CNTLN: variants seen among roughly 807,000 people sequenced by gnomAD.
CNTLN encodes centlein, also known as centlein, centrosomal protein.
Under a neutral mutation model 180.0 loss-of-function variants are expected in CNTLN, and 212 were observed. The ratio of observed to expected loss-of-function variants is 1.18; its 90% CI spans 1.05 to 1.32. The LOEUF (loss-of-function observed/expected upper bound fraction) is 1.32. CNTLN is among the 40% of genes most tolerant of loss of function. The pLI, the probability that CNTLN is intolerant of heterozygous loss-of-function variation, is 0.00. For missense variants in CNTLN, 2,095 were observed against 1,610.9 expected, an observed-to-expected ratio of 1.30 and a Z score of -5.14; for synonymous variants, 722 against 563.1, an observed-to-expected ratio of 1.28 and a Z score of -3.99.
At position 17,152,916 on chromosome 9, in the gene CNTLN, CTTCT is replaced by C. The variant is rs766112925; in HGVS notation, c.449+9543_449+9546del. Among the ~76,000 whole-genome samples the C allele has an allele frequency of 7.2e-5, 11 of 152,262 alleles. No homozygotes were observed. The South Asian group carries it at 1.9e-3, about 26-fold the overall frequency. ...GATCCCTTTACCATCATGTAATACC[CTTCT>C]TTGTCTCTTTTGATCTTTGTTGGTT... On this transcript the variant is annotated intron_variant, in intron 2 of 25. Transcript: ENST00000380647.
intron 2 of CNTLN, among the ~76,000 whole-genome samples, chr9:17,194,321 C>G (rs1167836799): frequency 6.6e-6 from 1 of 152,172 alleles, no homozygotes; most frequent in African/African-American, 2.4e-5. Context: ...AACTTTTATT[C>G]TCTGCTTCCC....
chr9:17,227,509 C>T (rs192484645), intron 3 of CNTLN, among the ~76,000 whole-genome samples: 38 of 151,994 alleles, frequency 2.5e-4, no homozygotes, highest in East Asian at 3.9e-4. Context: ...AAGCTCATTA[C>T]GGAGTAAATA....
chr9:17,367,777 A>T (rs533332384), intron 13 of CNTLN, among the ~76,000 whole-genome samples: 2 of 152,190 alleles, frequency 1.3e-5, no homozygotes, highest in African/African-American at 4.8e-5. Context: ...GAAGGCAAGG[A>T]TGCAGTCCCG....
intron 13 of CNTLN, among the ~76,000 whole-genome samples, chr9:17,373,364 A>G (rs979985795): frequency 3.9e-5 from 6 of 152,160 alleles, no homozygotes; most frequent in Non-Finnish European, 7.4e-5. Flanking sequence ...CAAGAAAGCT[A>G]ATTCCATTTA....
At chr9:17,247,941 C>G (rs867632513) in intron 5 of CNTLN, among the ~76,000 whole-genome samples, 1 of 151,798 alleles carries the variant, frequency 6.6e-6, no homozygotes, top group Non-Finnish European at 1.5e-5. Context: ...AACAATCCTC[C>G]AACCTCAACC....
chr9:17,156,881 A>G (rs1246019474), intron 2 of CNTLN, among the ~76,000 whole-genome samples: 1 of 152,254 alleles, frequency 6.6e-6, no homozygotes, highest in East Asian at 1.9e-4. Context: ...TAGCCTATGG[A>G]CTTAATCCTT....
At chr9:17,211,535 CG>C (rs1299132207) in intron 2 of CNTLN, among the ~76,000 whole-genome samples, 2 of 152,082 alleles carry the variant, frequency 1.3e-5, no homozygotes, top group African/African-American at 4.8e-5. Flanking sequence ...CTTGGCAATG[CG>C]GGCTCTTTTT....
chr9:17,203,165 T>G (rs772419894), intron 2 of CNTLN, among the ~76,000 whole-genome samples: 6 of 152,198 alleles, frequency 3.9e-5, no homozygotes, highest in Non-Finnish European at 8.8e-5. Context: ...ATATTGGTCT[T>G]CACTCTGTTC....
At chr9:17,446,407 C>G (rs1051366369) in intron 18 of CNTLN, among the ~76,000 whole-genome samples, 1 of 152,140 alleles carries the variant, frequency 6.6e-6, no homozygotes, top group African/African-American at 2.4e-5. Flanking sequence ...AAACATATGT[C>G]TTTCGCTAGC....
intron 2 of CNTLN, among the ~76,000 whole-genome samples, chr9:17,219,055 G>A (rs1419256145): frequency 7.9e-5 from 12 of 152,038 alleles, no homozygotes; most frequent in Admixed American, 7.9e-4. Context: ...AAGTACTCTT[G>A]GGAAAAATGA....
chr9:17,144,840 T>A (rs916170574), intron 2 of CNTLN, among the ~76,000 whole-genome samples: 11 of 148,416 alleles, frequency 7.4e-5, no homozygotes, highest in Non-Finnish European at 1.5e-4. Context: ...TTTTTTATTT[T>A]ATTTTTTTTT....
chr9:17,164,231 G>A (rs1241467214), intron 2 of CNTLN, among the ~76,000 whole-genome samples: 1 of 147,674 alleles, frequency 6.8e-6, no homozygotes, highest in Non-Finnish European at 1.5e-5. Flanking sequence ...AGAATCACTT[G>A]AACCCGAAAG....
intron 10 of CNTLN, among the ~76,000 whole-genome samples, chr9:17,333,837 G>C (rs1209471199): frequency 2.0e-5 from 3 of 152,126 alleles, no homozygotes; most frequent in Non-Finnish European, 2.9e-5. Context: ...TTATTCATTT[G>C]TTTCCTCAAT....
chr9:17,255,639 G>C (rs1269565129), intron 5 of CNTLN, among the ~76,000 whole-genome samples: 1 of 151,722 alleles, frequency 6.6e-6, no homozygotes, highest in Non-Finnish European at 1.5e-5. Flanking sequence ...TTCTAGTGTT[G>C]TTTTCTAGCG....
chr9:17,374,213 CAT>C (rs2133518966), intron 13 of CNTLN, among the ~76,000 whole-genome samples: 1 of 152,096 alleles, frequency 6.6e-6, no homozygotes, highest in East Asian at 1.9e-4. Flanking sequence ...GCAAACTACC[CAT>C]CTAACAGGGG....
At chr9:17,182,955 C>A (rs536987293) in intron 2 of CNTLN, among the ~76,000 whole-genome samples, 1 of 152,242 alleles carries the variant, frequency 6.6e-6, no homozygotes, top group African/African-American at 2.4e-5. Context: ...CAGTTACTCA[C>A]GAAAACAAGT....
chr9:17,393,129 T>C (rs1826236609), intron 14 of CNTLN, among the ~76,000 whole-genome samples: 1 of 152,144 alleles, frequency 6.6e-6, no homozygotes, highest in Non-Finnish European at 1.5e-5. Context: ...GCCTTCTTGC[T>C]GTGTCCTCAC....
chr9:17,250,287 T>C (rs1826059742), intron 5 of CNTLN, among the ~76,000 whole-genome samples: 1 of 152,070 alleles, frequency 6.6e-6, no homozygotes, highest in Admixed American at 6.6e-5. Context: ...AGATAACATA[T>C]TGTTGTAGAA....
chr9:17,342,377 G>A lies in CNTLN; in HGVS notation c.1819G>A (p.Asp607Asn). ...AGATCCCCAACAACTTCGACAAGAAGATTCTGACGCTGTGTGGAATGAACT... is the reference window on the plus strand; with the variant it reads ...AGATCCCCAACAACTTCGACAAGAAAATTCTGACGCTGTGTGGAATGAACT... ...RADPQQLRQEDSDAVWNELAY... is the reference protein window; with the variant it reads ...RADPQQLRQENSDAVWNELAY... The change falls in exon 12 of 26, where the codon GAT becomes AAT. Residue 607 changes from aspartate to asparagine, a missense_variant. Physicochemically the swap from Asp to Asn is conservative, Grantham distance 23. Coordinates refer to ENST00000380647, the MANE Select transcript of CNTLN (RefSeq NM_017738.4). The A allele has an allele frequency of 6.2e-7, 1 of 1,612,246 alleles. No homozygotes were observed. Among genetic ancestry groups the A allele is most frequent in the East Asian group, 2.2e-5 (1 of 44,758 alleles).
Sources: allele counts gnomAD v4.1 joint callset (sites outside exome capture counted in the v4.1 genomes callset), GRCh38; gene constraint gnomAD v4.1.1; transcripts MANE v1.5; gene names NCBI Gene and HGNC (gene_info 2026-07-23, HGNC 2026-07-21).